ADORA2B: variants seen among roughly 807,000 people sequenced by gnomAD.
The protein encoded by ADORA2B is adenosine A2b receptor, also known as adenosine receptor A2b.
Under a neutral mutation model 20.8 loss-of-function variants are expected in ADORA2B, and 18 were observed. The observed-to-expected ratio is 0.87, with a 90% confidence interval of 0.60 to 1.29. ADORA2B has a LOEUF of 1.29. ADORA2B is among the 50% of genes most tolerant of loss of function. The pLI, the probability that ADORA2B is intolerant of heterozygous loss-of-function variation, is 0.00. For missense variants in ADORA2B, 441 were observed against 422.7 expected, an observed-to-expected ratio of 1.04 and a Z score of -0.38; for synonymous variants, 179 against 178.3, an observed-to-expected ratio of 1.00 and a Z score of -0.03.
rs1970223178 is a variant in ADORA2B at position 15,974,478 on chromosome 17, GA to G, written c.336-199del. 3.6e-5 allele frequency: 19 copies of G among 534,104 alleles called. No homozygotes were observed. In the Admixed American group the frequency reaches 5.4e-4, roughly 15 times the overall value. The allele number at this position is 534,104 out of a possible 1,614,324, so 33.1% of individuals were successfully genotyped here. On this transcript the variant is annotated intron_variant, in intron 1 of 1. Transcript: ENST00000304222. ...AGAAAGGAGTTGCTAAGTCAAGAATGAAGATCTTACTGAGTTTTCTAGAGCA... is the reference window on the plus strand; with the variant it reads ...AGAAAGGAGTTGCTAAGTCAAGAATGAGATCTTACTGAGTTTTCTAGAGCA...
chr17:15,886,301 C>G, the ADORA2B span, among the ~76,000 whole-genome samples: 2 of 71,480 alleles, frequency 2.8e-5, 1 homozygote, highest in Non-Finnish European at 5.7e-5. Context: ...ACCCCAACCT[C>G]AGGCTGTCCT....
chr17:15,918,118 C>T, the ADORA2B span, among the ~76,000 whole-genome samples: 7 of 152,326 alleles, frequency 4.6e-5, no homozygotes, highest in East Asian at 5.8e-4. Context: ...GCCTTCTTCC[C>T]GGTTGCCCAA....
chr17:15,945,233 C>T lies in ADORA2B; in HGVS notation c.-16C>T, dbSNP rs1969783842. ...CGCCTTCGGTAGGGGGCGCCCGGGG[C>T]CCAGCTGGCCCGGCCATGCTGCTGG... On this transcript the variant is annotated 5_prime_UTR_variant, in exon 1 of 2. Coordinates refer to ENST00000304222, the MANE Select transcript of ADORA2B (RefSeq NM_000676.4). The T allele has an allele frequency of 1.4e-6, 2 of 1,393,954 alleles. No homozygotes were observed. The highest frequency in any genetic ancestry group is 1.8e-6 in the Non-Finnish European group (2 of 1,081,504). 86.3% of individuals were successfully genotyped at this position (1,393,954 alleles called of 1,614,324 possible). A position where few individuals can be genotyped will look rare whatever the true frequency, so the allele number is the denominator to read the frequency against.
chr17:15,863,949 G>C, the ADORA2B span: 16 of 152,502 alleles, frequency 1.0e-4, no homozygotes, highest in African/African-American at 3.6e-4. Context: ...GATTCTGGCT[G>C]AATAAACCAG....
the ADORA2B span, among the ~76,000 whole-genome samples, chr17:15,858,135 G>A: frequency 6.6e-6 from 1 of 152,012 alleles, no homozygotes; most frequent in Admixed American, 6.6e-5. Context: ...AAGTGGCATT[G>A]CTGGATCATT....
chr17:15,968,460 G>A (rs1447643949), intron 1 of ADORA2B, among the ~76,000 whole-genome samples: 2 of 152,252 alleles, frequency 1.3e-5, no homozygotes, highest in East Asian at 3.9e-4. Flanking sequence ...TGTGCTGAGG[G>A]GTCTGGTTAT....
At chr17:15,881,838 G>A in the ADORA2B span, among the ~76,000 whole-genome samples, 5 of 152,144 alleles carry the variant, frequency 3.3e-5, no homozygotes, top group East Asian at 1.9e-4. Flanking sequence ...GGTTTTCCTT[G>A]TGTCTTCCAG....
At chr17:15,852,809 A>G in the ADORA2B span, among the ~76,000 whole-genome samples, 1 of 152,184 alleles carries the variant, frequency 6.6e-6, no homozygotes, top group South Asian at 2.1e-4. Flanking sequence ...AAATATCTGA[A>G]CTGAAGCGCA....
rs1938004617 is a variant in ADORA2B, at chr17:15,974,735, TC to T, written c.394del (p.Ala133ProfsTer6). 3 of 1,613,954 alleles carry T rather than the reference TC, an allele frequency of 1.9e-6. No homozygotes were observed. Reference protein sequence around the residue: ...RARGVIAVLWVLAFGIGLTPF... With the variant: ...RARGVIAVLWXLAFGIGLTPF... ...AGAGGGGTCATTGCTGTCCTCTGGG[TC>T]CTTGCCTTTGGCATCGGATTGACTC... On this transcript the variant is annotated frameshift_variant, in exon 2 of 2. Coordinates refer to ENST00000304222, the MANE Select transcript of ADORA2B (RefSeq NM_000676.4). LOFTEE classifies it high-confidence loss of function.
At chr17:15,956,789 G>A (rs563409618) in intron 1 of ADORA2B, among the ~76,000 whole-genome samples, 6 of 151,960 alleles carry the variant, frequency 3.9e-5, no homozygotes, top group African/African-American at 1.4e-4. Flanking sequence ...TAGTAGAGAC[G>A]GGGTTTCACC....
chr17:15,916,054 A>C, the ADORA2B span, among the ~76,000 whole-genome samples: 7 of 152,214 alleles, frequency 4.6e-5, no homozygotes, highest in African/African-American at 1.7e-4. Flanking sequence ...GTCACTAACC[A>C]GTCAGCAGTC....
upstream of ADORA2B, among the ~76,000 whole-genome samples, chr17:15,943,044 G>A (rs1171767982): frequency 6.6e-6 from 1 of 152,230 alleles, no homozygotes; most frequent in African/African-American, 2.4e-5. Context: ...GCAGAAGTTT[G>A]TGTCAACTGC....
At chr17:15,862,085 C>T in the ADORA2B span, among the ~76,000 whole-genome samples, 2 of 151,612 alleles carry the variant, frequency 1.3e-5, no homozygotes, top group African/African-American at 4.9e-5. Flanking sequence ...TCCTTTTGTC[C>T]TTTCACAGTC....
the ADORA2B span, among the ~76,000 whole-genome samples, chr17:15,877,678 G>A: frequency 4.2e-4 from 64 of 152,138 alleles, no homozygotes; most frequent in African/African-American, 1.4e-3. Context: ...TATCCACCTG[G>A]TCCAGAGGCT....
At chr17:15,853,476 G>A in the ADORA2B span, among the ~76,000 whole-genome samples, 46 of 152,274 alleles carry the variant, frequency 3.0e-4, no homozygotes, top group South Asian at 8.3e-4. Context: ...TTTTTAAAGG[G>A]GTGTATCACT....
At chr17:15,960,127 A>G (rs1164434720) in intron 1 of ADORA2B, among the ~76,000 whole-genome samples, 2 of 152,050 alleles carry the variant, frequency 1.3e-5, no homozygotes, top group Non-Finnish European at 2.9e-5. Flanking sequence ...AATTAGTCAA[A>G]TGTGGTGGCG....
At chr17:15,881,258 C>A in the ADORA2B span, among the ~76,000 whole-genome samples, 27 of 152,222 alleles carry the variant, frequency 1.8e-4, no homozygotes, top group African/African-American at 6.5e-4. Flanking sequence ...TGCACCACCA[C>A]GCCTGGCTAA....
the ADORA2B span, among the ~76,000 whole-genome samples, chr17:15,915,002 A>G: frequency 6.6e-6 from 1 of 152,210 alleles, no homozygotes; most frequent in Non-Finnish European, 1.5e-5. Context: ...ACAAATTATC[A>G]CAAACTCAGT....
At chr17:15,967,496 G>T (rs1318311922) in intron 1 of ADORA2B, among the ~76,000 whole-genome samples, 1 of 152,144 alleles carries the variant, frequency 6.6e-6, no homozygotes, top group African/African-American at 2.4e-5. Context: ...CTCCCAAAGT[G>T]CTGGGATTAC....
Sources: gnomAD v4.1 joint callset for allele counts (sites outside exome capture counted in the v4.1 genomes callset) on GRCh38, gnomAD v4.1.1 for gene constraint, MANE v1.5 for transcripts, NCBI Gene and HGNC (gene_info 2026-07-23, HGNC 2026-07-21) for gene names.